Variants in RNF17 observed in about 807,000 individuals in gnomAD.
The protein encoded by RNF17 is ring finger protein 17, also known as spermatogenesis associated 23.
RNF17 carries 31 observed loss-of-function variants against 200.5 expected under a neutral mutation model. That is an observed-to-expected ratio of 0.15 (90% CI 0.12 to 0.21). The LOEUF (loss-of-function observed/expected upper bound fraction) is 0.21, where lower values mean the gene tolerates loss of function less well. RNF17 is among the 10% of genes least tolerant of loss of function. The pLI is 1.00. For missense variants in RNF17, 1,628 were observed against 1,905.1 expected (o/e 0.85, Z 2.71); for synonymous variants, 606 against 637.8 (o/e 0.95, Z 0.75).
chr13:24,757,411 C>T, the RNF17 span, among the ~76,000 whole-genome samples: 1 of 151,956 alleles, frequency 6.6e-6, no homozygotes, highest in South Asian at 2.1e-4. Flanking sequence ...GCAACCTCCG[C>T]CTCCTGGGTT....
At chr13:24,806,062 G>C (rs150273277) in intron 15 of RNF17, among the ~76,000 whole-genome samples, 1 of 152,086 alleles carries the variant, frequency 6.6e-6, no homozygotes, top group African/African-American at 2.4e-5. Flanking sequence ...ACAGGCCCCA[G>C]TGTGTGATAT....
chr13:24,752,756 C>A, the RNF17 span, among the ~76,000 whole-genome samples: 1 of 152,244 alleles, frequency 6.6e-6, no homozygotes, highest in South Asian at 2.1e-4. Flanking sequence ...AGGTTCTTAA[C>A]AGGCCAGGGA....
At chr13:24,753,299 A>G in the RNF17 span, among the ~76,000 whole-genome samples, 10 of 152,342 alleles carry the variant, frequency 6.6e-5, no homozygotes, top group East Asian at 1.7e-3. Context: ...TCTTCTATGT[A>G]TTGATAACCT....
chr13:24,825,377 C>A (rs888388472), intron 15 of RNF17, among the ~76,000 whole-genome samples: 13 of 152,106 alleles, frequency 8.5e-5, no homozygotes, highest in Admixed American at 6.5e-4. Flanking sequence ...GGAAAAATAT[C>A]TTGAAGAATA....
intron 2 of RNF17, among the ~76,000 whole-genome samples, chr13:24,770,491 T>A (rs1200104528): frequency 1.3e-5 from 2 of 152,186 alleles, no homozygotes; most frequent in Non-Finnish European, 2.9e-5. Flanking sequence ...ATTAACCTCT[T>A]ATGAAATGCT....
chr13:24,768,496 G>A (rs762062966), intron 2 of RNF17, among the ~76,000 whole-genome samples: 20 of 152,006 alleles, frequency 1.3e-4, no homozygotes, highest in Non-Finnish European at 2.2e-4. Context: ...ATATTAGCCA[G>A]GATGGTCTCG....
intron 15 of RNF17, among the ~76,000 whole-genome samples, chr13:24,823,614 A>G (rs934637736): frequency 2.0e-5 from 3 of 152,054 alleles, no homozygotes; most frequent in African/African-American, 7.2e-5. Context: ...CTTCTTCACC[A>G]TTTAGAGAGG....
chr13:24,798,338 A>G (rs1593278876), intron 11 of RNF17, among the ~76,000 whole-genome samples: 1 of 152,210 alleles, frequency 6.6e-6, no homozygotes, highest in African/African-American at 2.4e-5. Flanking sequence ...GATTTACTAT[A>G]TTTTAAAACT....
intron 16 of RNF17, among the ~76,000 whole-genome samples, chr13:24,829,121 A>AC (rs1452601651): frequency 2.0e-5 from 3 of 151,950 alleles, no homozygotes; most frequent in African/African-American, 2.4e-5. Flanking sequence ...TGGGCTGCTT[A>AC]CCCCCTAGGC....
intron 18 of RNF17, 26 bp from the exon 19 acceptor site, chr13:24,842,015 C>T: frequency 6.3e-7 from 1 of 1,579,140 alleles, no homozygotes; most frequent in Non-Finnish European, 8.6e-7. Context: ...TATTTCTTTC[C>T]CCAAACTTTC....
chr13:24,756,991 C>T, the RNF17 span, among the ~76,000 whole-genome samples: 1 of 152,068 alleles, frequency 6.6e-6, no homozygotes, highest in East Asian at 1.9e-4. Context: ...AAGAACATGG[C>T]TTCATCTTGG....
upstream of RNF17, among the ~76,000 whole-genome samples, chr13:24,761,665 T>C (rs530014649): frequency 6.6e-6 from 1 of 152,308 alleles, no homozygotes; most frequent in Admixed American, 6.5e-5. Context: ...TTTGTTGTAA[T>C]TCATAGGAAG....
At chr13:24,748,758 T>TG in the RNF17 span, among the ~76,000 whole-genome samples, 1 of 151,686 alleles carries the variant, frequency 6.6e-6, no homozygotes, top group Non-Finnish European at 1.5e-5. Flanking sequence ...TTTTTGTTTT[T>TG]TTTTTGAGAC....
chr13:24,875,511 G>C (rs1346010346), intron 33 of RNF17, among the ~76,000 whole-genome samples: 5 of 152,188 alleles, frequency 3.3e-5, no homozygotes, highest in African/African-American at 1.2e-4. Flanking sequence ...AGTTGGTTCA[G>C]CTTATACAAT....
intron 18 of RNF17, among the ~76,000 whole-genome samples, chr13:24,836,243 C>T (rs183004956): frequency 1.4e-3 from 211 of 152,238 alleles, no homozygotes; most frequent in Non-Finnish European, 2.5e-3. Flanking sequence ...TTGCTAGAGA[C>T]CTGGACATCC....
At chr13:24,859,941 G>A (rs1319805640) in intron 26 of RNF17, among the ~76,000 whole-genome samples, 1 of 151,986 alleles carries the variant, frequency 6.6e-6, no homozygotes, top group African/African-American at 2.4e-5. Flanking sequence ...TTTAGGTTCA[G>A]TGACCTGCCA....
downstream of RNF17, chr13:24,883,420 T>C (rs1953923240): frequency 7.1e-7 from 1 of 1,415,614 alleles, no homozygotes; most frequent in South Asian, 1.3e-5. Flanking sequence ...TAATAGAAAA[T>C]AAACAACAGA....
chr13:24,873,199 A>G (rs536296134), intron 32 of RNF17, among the ~76,000 whole-genome samples: 1 of 152,288 alleles, frequency 6.6e-6, no homozygotes, highest in South Asian at 2.1e-4. Flanking sequence ...GGAGTATCAG[A>G]AGTTGGGGCA....
intron 3 of RNF17, among the ~76,000 whole-genome samples, chr13:24,776,650 T>C (rs1233607478): frequency 6.6e-6 from 1 of 152,136 alleles, no homozygotes; most frequent in African/African-American, 2.4e-5. Context: ...GGCTCCCAAA[T>C]TTGAACACCT....
Sources: allele counts gnomAD v4.1 joint callset (sites outside exome capture counted in the v4.1 genomes callset), GRCh38; gene constraint gnomAD v4.1.1; transcripts MANE v1.5; gene names NCBI Gene and HGNC (gene_info 2026-07-23, HGNC 2026-07-21).